The following HIVEP2 variants were observed in gnomAD, a reference collection of about 807,000 sequenced individuals.
The protein encoded by HIVEP2 is transcription factor HIVEP2.
Under a neutral mutation model 180.7 loss-of-function variants are expected in HIVEP2, and 14 were observed. That is an observed-to-expected ratio of 0.08 (90% CI 0.05 to 0.12). The LOEUF is 0.12. Ranked by LOEUF, HIVEP2 falls within the 10% of genes least tolerant of loss-of-function variation. HIVEP2 has a pLI of 1.00. For synonymous variants in HIVEP2, 1,184 were observed against 1,136.4 expected (o/e 1.04, Z -0.84); for missense variants, 2,579 against 3,008.5 (o/e 0.86, Z 3.34).
At chr6:142,854,021 CT>C (rs1775755487) in intron 1 of HIVEP2, among the ~76,000 whole-genome samples, 1 of 152,154 alleles carries the variant, frequency 6.6e-6, no homozygotes, top group Non-Finnish European at 1.5e-5. Flanking sequence ...GGAATATTCA[CT>C]GTTTAGTCAC....
In HIVEP2 at chr6:142,773,308, C is replaced by G; in HGVS notation, c.1431G>C (p.Gln477His). The G allele has an allele frequency of 1.2e-6, 2 of 1,614,196 alleles. No individual in the cohort carries two copies. Among genetic ancestry groups the G allele is most frequent in the Non-Finnish European group, 1.7e-6 (2 of 1,180,042 alleles). Residue 477 changes from glutamine to histidine, a missense_variant, in exon 5 of 10, where the codon CAG becomes CAC. Coordinates refer to ENST00000367603, the MANE Select transcript of HIVEP2 (RefSeq NM_006734.4). ...DVKMFEDPVSQLIPSKGDVDP... is the reference protein window; with the variant it reads ...DVKMFEDPVSHLIPSKGDVDP... ...CGACATCTCCCTTGCTTGGGATCAG[C>G]TGTGAAACAGGATCTTCAAACATCT...
At chr6:142,822,459 A>C (rs1777065921) in intron 2 of HIVEP2, among the ~76,000 whole-genome samples, 1 of 152,254 alleles carries the variant, frequency 6.6e-6, no homozygotes, top group Non-Finnish European at 1.5e-5. Context: ...TATGAATCAC[A>C]ATGGTAATGT....
At chr6:142,843,462 C>T (rs564902924) in intron 1 of HIVEP2, among the ~76,000 whole-genome samples, 2 of 152,212 alleles carry the variant, frequency 1.3e-5, no homozygotes, top group East Asian at 3.9e-4. Context: ...AGAGTGGTCG[C>T]AAATGGCTTC....
chr6:142,877,906 G>A (rs906893590), intron 1 of HIVEP2, among the ~76,000 whole-genome samples: 3 of 152,152 alleles, frequency 2.0e-5, no homozygotes, highest in African/African-American at 7.2e-5. Context: ...GCTTGATCGT[G>A]GAAATGCAAG....
intron 1 of HIVEP2, among the ~76,000 whole-genome samples, chr6:142,891,919 A>T (rs189504221): frequency 1.3e-5 from 2 of 152,266 alleles, no homozygotes; most frequent in Admixed American, 1.3e-4. Context: ...GTTTATCTTT[A>T]TAGAGCCTTA....
chr6:142,920,773 G>A (rs1777665046), intron 1 of HIVEP2, among the ~76,000 whole-genome samples: 1 of 152,072 alleles, frequency 6.6e-6, no homozygotes, highest in Non-Finnish European at 1.5e-5. Flanking sequence ...CTTGAGCCCA[G>A]GAGTTCCAGA....
At chr6:142,926,838 C>T (rs894198202) in intron 1 of HIVEP2, among the ~76,000 whole-genome samples, 2 of 151,740 alleles carry the variant, frequency 1.3e-5, no homozygotes, top group Admixed American at 6.6e-5. Flanking sequence ...CCTGCGGCGG[C>T]CGCCGGGCGC....
At position 142,753,573 on chromosome 6, in the gene HIVEP2, G is replaced by A; in HGVS notation, c.6875C>T (p.Ser2292Leu). The A allele has an allele frequency of 1.9e-6, 3 of 1,614,156 alleles. No homozygotes were observed. Among genetic ancestry groups the A allele is most frequent in the Non-Finnish European group, 2.5e-6 (3 of 1,180,014 alleles). The change falls in exon 10 of 10, where the codon TCA (serine) becomes TTA (leucine). Residue 2292 changes from serine (S) to leucine (L), a missense_variant. Around this residue, in one of 11 missense-constraint regions of HIVEP2, gnomAD observed 660 missense variants for 731.7 expected, o/e 0.90. Transcript: ENST00000367603. ...HEKRGPHALQ[S>L]SGPPSTPSSP... ...GGAGGGAGTGCTAGGTGGACCAGATGACTGCAAAGCGTGAGGACCTCGCTT... is the reference window on the plus strand; with the variant it reads ...GGAGGGAGTGCTAGGTGGACCAGATAACTGCAAAGCGTGAGGACCTCGCTT...
At chr6:142,793,656 C>G (rs6910093) in intron 2 of HIVEP2, among the ~76,000 whole-genome samples, 1 of 77,334 alleles carries the variant, frequency 1.3e-5, no homozygotes, top group Non-Finnish European at 2.7e-5. Context: ...TTCTTTCTTT[C>G]TTTTTTCTTT....
chr6:142,854,464 T>C (rs1035118318), intron 1 of HIVEP2, among the ~76,000 whole-genome samples: 2 of 152,324 alleles, frequency 1.3e-5, no homozygotes, highest in East Asian at 3.9e-4. Context: ...AAAAATCCTT[T>C]AGACTAATTG....
rs1397088574 is a variant in HIVEP2, at chr6:142,768,499, A to C, written c.5225T>G (p.Leu1742Arg). The C allele has an allele frequency of 3.1e-6, 5 of 1,613,200 alleles. No homozygotes were observed. Among genetic ancestry groups the C allele is most frequent in the Non-Finnish European group, 4.2e-6 (5 of 1,179,658 alleles). The change falls in exon 6 of 10, where the codon CTA (leucine) becomes CGA (arginine). Residue 1742 changes from leucine (L) to arginine (R), a missense_variant. Leu to Arg is a moderately radical substitution (Grantham distance 102). This residue lies in a region of HIVEP2 where 349 missense variants were observed against 367.2 expected (regional missense o/e 0.95). Coordinates refer to ENST00000367603, the MANE Select transcript of HIVEP2 (RefSeq NM_006734.4). ...GATATTTCCCACTAGTTTCCTTTCT[A>C]GTTTGCTGCCAAATAAAAAGGACGC... is the stretch of plus-strand genomic sequence containing the variant. ...PDASFLFGSKLERKLVGNILK... is the reference protein window; with the variant it reads ...PDASFLFGSKRERKLVGNILK...
At chr6:142,798,231 T>C (rs929538220) in intron 2 of HIVEP2, among the ~76,000 whole-genome samples, 9 of 151,408 alleles carry the variant, frequency 5.9e-5, no homozygotes, top group African/African-American at 1.9e-4. Context: ...ATCGCGCCAC[T>C]GCACTCCAGC....
At chr6:142,787,301 C>T (rs949004756) in intron 2 of HIVEP2, among the ~76,000 whole-genome samples, 3 of 151,862 alleles carry the variant, frequency 2.0e-5, no homozygotes, top group Non-Finnish European at 4.4e-5. Flanking sequence ...TTCTTATAAA[C>T]TCAATGGAAA....
chr6:142,753,049 A>G lies in HIVEP2; in HGVS notation c.*58T>C, dbSNP rs190204297. The G allele has an allele frequency of 2.6e-4, 288 of 1,102,598 alleles. 1 individual carries two copies. In the African/African-American group the frequency reaches 3.7e-3, roughly 14 times the overall value. 68.3% of individuals were successfully genotyped at this position (1,102,598 alleles called of 1,614,324 possible). On this transcript the variant is annotated 3_prime_UTR_variant, in exon 10 of 10. Transcript: ENST00000367603. The stretch of plus-strand genomic sequence containing the variant: ...TAAACTGGATTACCTCCATTTCTAG[A>G]AAAACAAAAACAAAAAAATGGGAAA...
chr6:142,758,197 T>C (rs1396489068), intron 9 of HIVEP2, among the ~76,000 whole-genome samples: 1 of 152,252 alleles, frequency 6.6e-6, no homozygotes, highest in Non-Finnish European at 1.5e-5. Flanking sequence ...TGTGGAAATG[T>C]ATCTCTTTTT....
At chr6:142,941,385 TGCCATA>T (rs1362623941) in intron 1 of HIVEP2, among the ~76,000 whole-genome samples, 2 of 152,226 alleles carry the variant, frequency 1.3e-5, no homozygotes, top group African/African-American at 4.8e-5. Context: ...TCATAAGCAT[TGCCATA>T]AATATCATAC....
In HIVEP2 at chr6:142,769,859, G is replaced by A. The variant is rs772827582; in HGVS notation, c.4880C>T (p.Thr1627Met). 1.9e-6 allele frequency: 3 copies of A among 1,614,030 alleles called. No individual in the cohort carries two copies. The highest frequency in any genetic ancestry group is 2.2e-5 in the East Asian group (1 of 44,898). Residue 1627 changes from threonine (T) to methionine (M), a missense_variant, in exon 5 of 10, where the codon ACG becomes ATG. Transcript: ENST00000367603. ...AATCTGCTGGAAATCTGCCATGTCC[G>A]TGAGAAGAAGAGTTGAGTCTGCCAC... ...GNVADSTLLLTDMADFQQILQ... is the reference protein window; with the variant it reads ...GNVADSTLLLMDMADFQQILQ...
intron 1 of HIVEP2, among the ~76,000 whole-genome samples, chr6:142,850,518 T>C (rs1384724726): frequency 6.6e-6 from 1 of 152,226 alleles, no homozygotes; most frequent in Admixed American, 6.5e-5. Flanking sequence ...AACAAAGCTT[T>C]AGAGATCATC....
intron 9 of HIVEP2, 98 bp downstream of exon 9, chr6:142,759,674 C>G: frequency 1.1e-6 from 1 of 933,264 alleles, no homozygotes; most frequent in Admixed American, 2.3e-5. Context: ...CCACCCATGA[C>G]AGATACCCAT....
Sources: gnomAD v4.1 joint callset for allele counts (sites outside exome capture counted in the v4.1 genomes callset) on GRCh38, gnomAD v4.1.1 for gene constraint, gnomAD v4.1.1 regional missense constraint, MANE v1.5 for transcripts, NCBI Gene and HGNC (gene_info 2026-07-23, HGNC 2026-07-21) for gene names.